Variants in KYAT1 observed in about 807,000 individuals in gnomAD.
KYAT1 encodes the protein kynurenine aminotransferase 1, also known as kynurenine--oxoglutarate transaminase 1.
Under a neutral mutation model 52.4 loss-of-function variants are expected in KYAT1, and 47 were observed. The ratio of observed to expected loss-of-function variants is 0.90; its 90% confidence interval spans 0.71 to 1.14. KYAT1 has a LOEUF of 1.14. KYAT1 is among the 50% of genes most tolerant of loss of function. The pLI, the probability that KYAT1 is intolerant of heterozygous loss-of-function variation, is 0.00. For synonymous variants in KYAT1, 212 were observed against 209.6 expected, an observed-to-expected ratio of 1.01 and a Z score of -0.10; for missense variants, 480 against 557.9, an observed-to-expected ratio of 0.86 and a Z score of 1.41.
intron 6 of KYAT1, 23 bp downstream of exon 6, chr9:128,837,662 A>G (rs1005773245): frequency 1.9e-6 from 3 of 1,613,434 alleles, no homozygotes; most frequent in East Asian, 2.2e-5. Context: ...GCAGGGGGCC[A>G]GGGAAGGAGG....
intron 7 of KYAT1, 176 bp from the exon 8 acceptor site, chr9:128,836,249 C>CCT (rs368976828): frequency 1.2e-5 from 6 of 500,558 alleles, no homozygotes; most frequent in Non-Finnish European, 1.8e-5. Flanking sequence ...TTCCTTCCTT[C>CCT]TTTCTCTCTC....
intron 1 of KYAT1, among the ~76,000 whole-genome samples, chr9:128,880,669 A>C (rs1049868501): frequency 2.6e-5 from 4 of 151,584 alleles, no homozygotes; most frequent in Admixed American, 6.6e-5. Context: ...GTCTCGATCT[A>C]CTGACCTCGT....
At position 128,845,366 on chromosome 9, in the gene KYAT1, C is replaced by T. The variant is rs748288012; in HGVS notation, c.40G>A (p.Asp14Asn). The T allele has an allele frequency of 6.2e-6, 10 of 1,613,800 alleles. No individual in the cohort carries two copies. Among genetic ancestry groups the T allele is most frequent in the East Asian group, 2.2e-5 (1 of 44,872 alleles). Residue 14 changes from aspartate (D) to asparagine (N), a missense_variant, in exon 2 of 13, where the codon GAC becomes AAC. Asp to Asn is a conservative substitution (Grantham distance 23). Transcript: ENST00000302586. ...CAGCTGGCTCACCAGGGGTTGTAGT[C>T]GATCCCGTCTAGCCTTCGGGCCTGC... ...QLQARRLDGI[D>N]YNPWVEFVKL...
chr9:128,855,103 A>C (rs1008856003), intron 1 of KYAT1, among the ~76,000 whole-genome samples: 1 of 152,246 alleles, frequency 6.6e-6, no homozygotes, highest in African/African-American at 2.4e-5. Flanking sequence ...CAAAAGACCC[A>C]GAAGTCTTAG....
chr9:128,854,729 C>G (rs1834387374), intron 1 of KYAT1, among the ~76,000 whole-genome samples: 1 of 152,196 alleles, frequency 6.6e-6, no homozygotes, highest in African/African-American at 2.4e-5. Flanking sequence ...GCCCTTAATT[C>G]AGGCAGTCAC....
chr9:128,853,403 A>G (rs186395731), intron 1 of KYAT1, among the ~76,000 whole-genome samples: 43 of 152,344 alleles, frequency 2.8e-4, no homozygotes, highest in Admixed American at 9.8e-4. Flanking sequence ...TTGAAACTCA[A>G]TATCACTCAG....
chr9:128,852,756 C>T (rs1834109068), intron 1 of KYAT1, among the ~76,000 whole-genome samples: 2 of 152,158 alleles, frequency 1.3e-5, no homozygotes, highest in South Asian at 4.1e-4. Context: ...ATTGCTAAGA[C>T]ATATTAATTG....
chr9:128,833,753 A>T lies in KYAT1; in HGVS notation c.1196T>A (p.Phe399Tyr), dbSNP rs759434304. ...CCTGCCCTTTACCTTCACAAAACAG[A>T]AGCGGATATAGTGGTCAAAGTGCTT... ...HQKHFDHYIRFCFVKDEATLQ... is the reference protein window; with the variant it reads ...HQKHFDHYIRYCFVKDEATLQ... Residue 399 changes from phenylalanine to tyrosine, a missense_variant, in exon 12 of 13, where the codon TTC (phenylalanine) becomes TAC (tyrosine). Coordinates refer to ENST00000302586, the MANE Select transcript of KYAT1 (RefSeq NM_004059.5). 5 of 1,614,178 alleles carry T rather than the reference A, an allele frequency of 3.1e-6. No individual in the cohort carries two copies. In the East Asian group the frequency reaches 8.9e-5, roughly 29 times the overall value.
At position 128,835,892 on chromosome 9, in the gene KYAT1, G is replaced by A. The variant is rs1415434914; in HGVS notation, c.766-24C>T. The stretch of plus-strand genomic sequence containing the variant: ...ACCTGCAGCAGGGGCGCAGGTAGGG[G>A]GAGAGGTCCTTCCAGACCTGGCTAA... On this transcript the variant is annotated intron_variant, in intron 8 of 12. Transcript: ENST00000302586. 4 of 1,612,564 alleles carry A rather than the reference G, an allele frequency of 2.5e-6. No individual in the cohort carries two copies. The East Asian group carries it at 6.7e-5, about 27-fold the overall frequency.
chr9:128,855,004 C>CA (rs917174452), intron 1 of KYAT1, among the ~76,000 whole-genome samples: 2 of 152,086 alleles, frequency 1.3e-5, no homozygotes, highest in African/African-American at 4.8e-5. Flanking sequence ...ACTTGGGTCA[C>CA]AAATGAATAA....
chr9:128,857,395 T>C (rs906594898), intron 1 of KYAT1, among the ~76,000 whole-genome samples: 1 of 152,196 alleles, frequency 6.6e-6, no homozygotes, highest in Non-Finnish European at 1.5e-5. Context: ...TTACTTCTTT[T>C]CTCAGTCTCT....
At chr9:128,851,992 T>A (rs1834015132) in intron 1 of KYAT1, among the ~76,000 whole-genome samples, 1 of 152,210 alleles carries the variant, frequency 6.6e-6, no homozygotes, top group African/African-American at 2.4e-5. Context: ...GCACTCATTA[T>A]TGCCCAACCT....
intron 1 of KYAT1, among the ~76,000 whole-genome samples, chr9:128,864,566 C>T (rs1299079122): frequency 2.6e-5 from 4 of 151,962 alleles, no homozygotes; most frequent in African/African-American, 9.7e-5. Context: ...GCTGTCTCTG[C>T]GATTTTGACT....
Position 128,837,675 on chromosome 9 carries a change from C to G in KYAT1, c.567+10G>C. ...CCGCAGGGGGCCAGGGAAGGAGGTC[C>G]CTCCAGTACCTTGCCCAGGGGGTTG... On this transcript the variant is annotated intron_variant, in intron 6 of 12. Coordinates refer to ENST00000302586, the MANE Select transcript of KYAT1 (RefSeq NM_004059.5). 1.2e-6 allele frequency: 2 copies of G among 1,613,900 alleles called. No individual in the cohort carries two copies. Among genetic ancestry groups the G allele is most frequent in the Non-Finnish European group, 1.7e-6 (2 of 1,179,924 alleles).
intron 1 of KYAT1, among the ~76,000 whole-genome samples, chr9:128,872,843 C>T (rs200543275): frequency 1.4e-5 from 2 of 139,078 alleles, no homozygotes; most frequent in East Asian, 2.2e-4. Flanking sequence ...GAGGCCGAGG[C>T]AGGCAGATCA....
chr9:128,840,262 C>A (rs1286788611), intron 3 of KYAT1, among the ~76,000 whole-genome samples: 1 of 116,676 alleles, frequency 8.6e-6, no homozygotes, highest in Admixed American at 9.3e-5. Context: ...CATAAGGAGA[C>A]CCTGTCTCTA....
chr9:128,862,986 G>A (rs115086616), intron 1 of KYAT1, among the ~76,000 whole-genome samples: 3,459 of 152,008 alleles, frequency 0.023, 133 homozygotes, highest in African/African-American at 0.079. Flanking sequence ...TACCATGCCC[G>A]GCTAATTTTT....
chr9:128,866,755 T>C (rs1175181891), intron 1 of KYAT1, among the ~76,000 whole-genome samples: 2 of 151,618 alleles, frequency 1.3e-5, no homozygotes, highest in Non-Finnish European at 2.9e-5. Context: ...ACTAAAAATA[T>C]AAAAAATATT....
chr9:128,843,348 A>G (rs1200927550), intron 2 of KYAT1, among the ~76,000 whole-genome samples: 2 of 151,820 alleles, frequency 1.3e-5, no homozygotes, highest in Non-Finnish European at 2.9e-5. Context: ...GGGCTTTCCA[A>G]GTTCTTCCAC....
Sources: allele counts gnomAD v4.1 joint callset (sites outside exome capture counted in the v4.1 genomes callset), GRCh38; gene constraint gnomAD v4.1.1; transcripts MANE v1.5; gene names NCBI Gene and HGNC (gene_info 2026-07-23, HGNC 2026-07-21).